Variants in SACS observed in about 807,000 individuals in gnomAD.
SACS encodes the protein sacsin.
A neutral mutation model predicts 348.0 loss-of-function variants in SACS; 197 were observed. The ratio of observed to expected loss-of-function variants is 0.57; its 90% confidence interval spans 0.50 to 0.64. The LOEUF is 0.64. SACS is among the 30% of genes least tolerant of loss of function. The pLI is 0.00. For synonymous variants in SACS, 1,985 were observed against 1,910.6 expected (o/e 1.04, Z -1.02); for missense variants, 4,999 against 5,360.8 (o/e 0.93, Z 2.11).
At chr13:23,413,087 C>T (rs1169434981) in intron 1 of SACS, among the ~76,000 whole-genome samples, 1 of 151,866 alleles carries the variant, frequency 6.6e-6, no homozygotes, top group African/African-American at 2.4e-5. Flanking sequence ...AATCGATCCT[C>T]CAGCCTCAGC....
chr13:23,392,778 G>C (rs1385095402), intron 2 of SACS, among the ~76,000 whole-genome samples: 1 of 152,110 alleles, frequency 6.6e-6, no homozygotes, highest in Non-Finnish European at 1.5e-5. Flanking sequence ...GTTTCATTCG[G>C]ATGCAGAGGT....
In SACS at chr13:23,330,343, T is replaced by C. The variant is rs1593119019; in HGVS notation, c.13533A>G (p.Glu4511=). ...KPTALAQKIE[E]YSQQLEGLTN... Reference sequence around the variant, plus strand: ...TCAGTCCTTCAAGTTGCTGACTATATTCCTCTATTTTCTGAGCAAGTGCAG... The same window carrying C: ...TCAGTCCTTCAAGTTGCTGACTATACTCCTCTATTTTCTGAGCAAGTGCAG... The change falls in exon 10 of 10, where the codon GAA becomes GAG. Residue 4511 remains glutamate (E), a synonymous_variant. Coordinates refer to ENST00000382292, the MANE Select transcript of SACS (RefSeq NM_014363.6). 1.2e-6 allele frequency: 2 copies of C among 1,614,192 alleles called. No individual in the cohort carries two copies. The highest frequency in any genetic ancestry group is 4.5e-5 in the East Asian group (2 of 44,882).
In SACS at chr13:23,337,017, T is replaced by G. The variant is rs1397588851; in HGVS notation, c.6859A>C (p.Lys2287Gln). 5 of 1,613,992 alleles carry G rather than the reference T, an allele frequency of 3.1e-6. No individual in the cohort carries two copies. Among genetic ancestry groups the G allele is most frequent in the Non-Finnish European group, 4.2e-6 (5 of 1,179,892 alleles). The stretch of plus-strand genomic sequence containing the variant: ...TTTATAACCAGATCAACTGTTGGCT[T>G]CTTGAGTAATCCCAAAAACTCTTTA... Reference protein sequence around the residue: ...AVKEFLGLLKKPTVDLVINQL... With the variant: ...AVKEFLGLLKQPTVDLVINQL... Residue 2287 changes from lysine to glutamine, a missense_variant, in exon 10 of 10, where the codon AAG becomes CAG. Physicochemically the swap from Lys to Gln is moderately conservative, Grantham distance 53. This residue lies in a region of SACS where 3,156 missense variants were observed against 3,380.1 expected (regional missense o/e 0.93). Transcript: ENST00000382292.
rs1371129798 is a variant in SACS at position 23,334,125 on chromosome 13, T to C, written c.9751A>G (p.Ile3251Val). 1.2e-6 allele frequency: 2 copies of C among 1,613,870 alleles called. No individual in the cohort carries two copies. Among genetic ancestry groups the C allele is most frequent in the Admixed American group, 1.7e-5 (1 of 59,992 alleles). The change falls in exon 10 of 10, where the codon ATT (isoleucine) becomes GTT (valine). Residue 3251 changes from isoleucine (I) to valine (V), a missense_variant. Around this residue, in one of 6 missense-constraint regions of SACS, gnomAD observed 734 missense variants for 694.0 expected, o/e 1.06. Coordinates refer to ENST00000382292, the MANE Select transcript of SACS (RefSeq NM_014363.6). ...ESWLKNAWHF[I>V]SESVSVKEDQ... ...TCTTTCACACTTACAGATTCACTAA[T>C]AAAATGCCATGCATTCTTAAGCCAA...
intron 1 of SACS, among the ~76,000 whole-genome samples, chr13:23,429,720 T>C (rs2138025444): frequency 6.6e-6 from 1 of 152,182 alleles, no homozygotes; most frequent in African/African-American, 2.4e-5. Context: ...AAGCTGAGGC[T>C]GCAAGAGGTT....
chr13:23,374,058 A>C (rs1011967710), intron 3 of SACS: 3 of 152,148 alleles, frequency 2.0e-5, no homozygotes, highest in African/African-American at 7.2e-5. Context: ...GGACTTTTTG[A>C]CCCGACCTGT....
Position 23,341,091 on chromosome 13 carries a change from G to C in SACS, c.2785C>G (p.Arg929Gly). 6.2e-7 allele frequency: 1 copy of C among 1,613,824 alleles called. No homozygotes were observed. The highest frequency in any genetic ancestry group is 2.2e-5 in the East Asian group (1 of 44,868). The change falls in exon 10 of 10, where the codon CGC becomes GGC. Residue 929 changes from arginine to glycine, a missense_variant. This residue lies in a region of SACS where 3,156 missense variants were observed against 3,380.1 expected (regional missense o/e 0.93). Transcript: ENST00000382292. ...RIIQELAIFK[R>G]INHSSDQGIS... ...CCCTGATCAGAAGAATGGTTAATGC[G>C]CTTGAATATTGCCAATTCTTGAATA...
chr13:23,382,952 G>A, intron 2 of SACS, among the ~76,000 whole-genome samples: 1 of 122,886 alleles, frequency 8.1e-6, no homozygotes, highest in East Asian at 2.5e-4. Context: ...ACCATGCCCA[G>A]CTAATTTTTT....
chr13:23,344,236 C>T (rs1370463063), intron 9 of SACS, among the ~76,000 whole-genome samples: 1 of 152,124 alleles, frequency 6.6e-6, no homozygotes, highest in Non-Finnish European at 1.5e-5. Context: ...ATTAAATATA[C>T]ACCACTTTGT....
intron 9 of SACS, among the ~76,000 whole-genome samples, chr13:23,345,979 G>C (rs1347734696): frequency 2.6e-5 from 4 of 152,046 alleles, no homozygotes; most frequent in African/African-American, 7.2e-5. Flanking sequence ...TCCCCAATGA[G>C]AGCTAGGCTG....
At chr13:23,388,362 G>T (rs1450643017) in intron 2 of SACS, among the ~76,000 whole-genome samples, 1 of 144,340 alleles carries the variant, frequency 6.9e-6, no homozygotes, top group Admixed American at 7.0e-5. Context: ...AAAAACAAAA[G>T]ATATGGAACC....
Position 23,339,885 on chromosome 13 carries a change from GATC to G in SACS, c.3988_3990del (p.Asp1330del). On this transcript the variant is annotated inframe_deletion, in exon 10 of 10. Transcript: ENST00000382292. ...ATCTTCTGAATAACCATGGAAATAT[GATC>G]TGATGTCAACTCCTCTATTGAACCA... 2 of 1,613,970 alleles carry G rather than the reference GATC, an allele frequency of 1.2e-6. No individual in the cohort carries two copies. Among genetic ancestry groups the G allele is most frequent in the South Asian group, 2.2e-5 (2 of 91,022 alleles).
At chr13:23,371,409 A>AT (rs1871383409) in intron 3 of SACS, among the ~76,000 whole-genome samples, 1 of 152,256 alleles carries the variant, frequency 6.6e-6, no homozygotes, top group Non-Finnish European at 1.5e-5. Context: ...ATATTTCTCC[A>AT]TTAACATAAT....
chr13:23,394,518 T>C (rs1872640521), intron 2 of SACS, among the ~76,000 whole-genome samples: 1 of 152,200 alleles, frequency 6.6e-6, no homozygotes, highest in Non-Finnish European at 1.5e-5. Flanking sequence ...CAGAATAATT[T>C]GTTCTTTAAC....
rs143677534 is a variant in SACS, at chr13:23,341,642, C to T, written c.2234G>A (p.Arg745His). 209 of 1,613,300 alleles carry T rather than the reference C, an allele frequency of 1.3e-4. No individual in the cohort carries two copies. The African/African-American group carries it at 2.2e-3, about 17-fold the overall frequency. The change falls in exon 10 of 10, where the codon CGT (arginine) becomes CAT (histidine). Residue 745 changes from arginine (R) to histidine (H), a missense_variant. By Grantham distance (29) the Arg-to-His change is conservative. Transcript: ENST00000382292. ...TGTATTCATTACTTCCTTGATAAGA[C>T]GTGCAAATCGTTCTGGATTTAGAAG... ...LQLLNPERFA[R>H]LIKEVMNTFW... is the part of the protein sequence containing the mutation.
intron 2 of SACS, among the ~76,000 whole-genome samples, chr13:23,397,200 G>T (rs1286722075): frequency 6.6e-6 from 1 of 152,088 alleles, no homozygotes; most frequent in Non-Finnish European, 1.5e-5. Flanking sequence ...ATTTGTAAAG[G>T]AAACTATTAC....
At chr13:23,348,931 A>G (rs947617446) in intron 9 of SACS, among the ~76,000 whole-genome samples, 4 of 152,228 alleles carry the variant, frequency 2.6e-5, no homozygotes, top group African/African-American at 9.6e-5. Context: ...TCATCAACCT[A>G]CAAGTGCTTG....
chr13:23,418,685 T>C (rs1593182101), intron 1 of SACS, among the ~76,000 whole-genome samples: 2 of 152,132 alleles, frequency 1.3e-5, no homozygotes, highest in East Asian at 3.9e-4. Flanking sequence ...TTTGTATTTT[T>C]AGTAGAGAGG....
chr13:23,409,040 C>CT lies in SACS; in HGVS notation c.20+2179dup, dbSNP rs1175897856. ...TATGGTCTTAATAAAACAAGTTTTA[C>CT]TTTTTTTTTTTTTTTTTTTTTTTTT... On this transcript the variant is annotated intron_variant, in intron 2 of 9. Transcript: ENST00000382292. 1.4e-3 allele frequency among the ~76,000 whole-genome samples: 50 copies of CT among 35,142 alleles called. 12 individuals carry two copies. The highest frequency in any genetic ancestry group is 3.3e-3 in the African/African-American group (29 of 8,720). The allele number at this position is 35,142 out of a possible 152,430, so 23.1% of individuals were successfully genotyped here.
Sources: gnomAD v4.1 joint callset for allele counts (sites outside exome capture counted in the v4.1 genomes callset) on GRCh38, gnomAD v4.1.1 for gene constraint, gnomAD v4.1.1 regional missense constraint, MANE v1.5 for transcripts, NCBI Gene and HGNC (gene_info 2026-07-23, HGNC 2026-07-21) for gene names.